Variants in LHFPL4 observed in about 807,000 individuals in gnomAD.
LHFPL4 encodes LHFPL tetraspan subfamily member 4.
A neutral mutation model predicts 20.0 loss-of-function variants in LHFPL4; 6 were observed. That is an observed-to-expected ratio of 0.30 (90% CI 0.16 to 0.59). The LOEUF (loss-of-function observed/expected upper bound fraction) is 0.59, where lower values mean the gene tolerates loss of function less well. Ranked by LOEUF, LHFPL4 falls within the 20% of genes least tolerant of loss-of-function variation. LHFPL4 has a pLI of 0.88. For missense variants in LHFPL4, 215 were observed against 331.2 expected (o/e 0.65, Z 2.72); for synonymous variants, 129 against 143.8 (o/e 0.90, Z 0.74).
Position 9,502,219 on chromosome 3 carries a change from C to T in LHFPL4, c.736G>A (p.Gly246Arg). ...GCTGTGATCCTGGCCTTTCAGGGTC[C>T]CTGTGAGTGAGCCACGGGGCAGGGA... Reference protein sequence around the residue: ...VLPCPVAHSQGP With the variant: ...VLPCPVAHSQRP Residue 246 changes from glycine to arginine, a missense_variant, in exon 4 of 4, where the codon GGA becomes AGA. By Grantham distance (125) the Gly-to-Arg change is moderately radical. Transcript: ENST00000287585. The T allele has an allele frequency of 6.2e-7, 1 of 1,613,622 alleles. No homozygotes were observed. Among genetic ancestry groups the T allele is most frequent in the Non-Finnish European group, 8.5e-7 (1 of 1,179,644 alleles).
chr3:9,519,600 A>G (rs1437566397), intron 2 of LHFPL4, among the ~76,000 whole-genome samples: 1 of 151,966 alleles, frequency 6.6e-6, no homozygotes, highest in Non-Finnish European at 1.5e-5. Flanking sequence ...TACTTCATCA[A>G]CAGGTTGTAG....
At chr3:9,520,088 A>C (rs1380790818) in intron 2 of LHFPL4, among the ~76,000 whole-genome samples, 1 of 152,154 alleles carries the variant, frequency 6.6e-6, no homozygotes, top group Non-Finnish European at 1.5e-5. Flanking sequence ...ATTCTATGCT[A>C]TAAATTTCCC....
chr3:9,540,992 T>G (rs573262632), intron 2 of LHFPL4, among the ~76,000 whole-genome samples: 38 of 151,910 alleles, frequency 2.5e-4, no homozygotes, highest in Admixed American at 1.8e-3. Flanking sequence ...CAGGCTGGAG[T>G]GCAATGGCAT....
At chr3:9,538,167 C>T (rs2046454684) in intron 2 of LHFPL4, among the ~76,000 whole-genome samples, 1 of 152,194 alleles carries the variant, frequency 6.6e-6, no homozygotes, top group East Asian at 1.9e-4. Context: ...TGGCATCTCT[C>T]ACCTGGATCG....
intron 2 of LHFPL4, among the ~76,000 whole-genome samples, chr3:9,520,652 G>C (rs1363034198): frequency 6.6e-6 from 1 of 152,034 alleles, no homozygotes; most frequent in East Asian, 1.9e-4. Context: ...CCTCTATCTT[G>C]AGATTTTTTA....
At chr3:9,530,869 G>A (rs1485720961) in intron 2 of LHFPL4, among the ~76,000 whole-genome samples, 1 of 152,072 alleles carries the variant, frequency 6.6e-6, no homozygotes, top group Non-Finnish European at 1.5e-5. Context: ...AAAGTGCTGG[G>A]ATAACAAGCG....
chr3:9,535,579 C>T (rs1002967176), intron 2 of LHFPL4, among the ~76,000 whole-genome samples: 1 of 141,550 alleles, frequency 7.1e-6, no homozygotes, highest in African/African-American at 2.5e-5. Context: ...TTTTAAAAAG[C>T]AATAAAACTC....
At chr3:9,503,111 A>C (rs1302163501) in intron 3 of LHFPL4, among the ~76,000 whole-genome samples, 3 of 152,080 alleles carry the variant, frequency 2.0e-5, no homozygotes, top group Non-Finnish European at 2.9e-5. Context: ...CTGGGACCAC[A>C]GGTGCGCGCC....
intron 2 of LHFPL4, among the ~76,000 whole-genome samples, chr3:9,547,811 GTTTTC>G (rs71692406): frequency 7.8e-4 from 86 of 110,100 alleles, no homozygotes; most frequent in East Asian, 1.6e-3. Flanking sequence ...GTTTTGTTTT[GTTTTC>G]TTTTATTGAG....
chr3:9,512,937 G>A (rs192354582), intron 2 of LHFPL4, among the ~76,000 whole-genome samples: 25 of 151,758 alleles, frequency 1.6e-4, no homozygotes, highest in Admixed American at 1.4e-3. Context: ...CCTCACTCTA[G>A]GACATTTTTT....
intron 2 of LHFPL4, among the ~76,000 whole-genome samples, chr3:9,517,833 TG>T (rs1553647026): frequency 7.3e-6 from 1 of 136,248 alleles, no homozygotes; most frequent in Non-Finnish European, 1.6e-5. Context: ...CTTGATTCTC[TG>T]GGATTTTCTA....
At chr3:9,541,039 A>T (rs1380748364) in intron 2 of LHFPL4, among the ~76,000 whole-genome samples, 18 of 151,990 alleles carry the variant, frequency 1.2e-4, no homozygotes, top group Non-Finnish European at 1.3e-4. Flanking sequence ...TCCTGGGTTC[A>T]AGCGATTCTC....
intron 2 of LHFPL4, among the ~76,000 whole-genome samples, chr3:9,508,349 C>G (rs1353266631): frequency 3.3e-5 from 5 of 152,200 alleles, no homozygotes; most frequent in African/African-American, 1.2e-4. Flanking sequence ...CTCCTCCCCC[C>G]ACCAATGCTC....
Position 9,535,556 on chromosome 3 carries a change from GAAC to G in LHFPL4, c.406+16715_406+16717del, listed in dbSNP as rs906929053. On this transcript the variant is annotated intron_variant, in intron 2 of 3. Transcript: ENST00000287585. ...ATATATTCTCCAATTTTTCCACAAA[GAAC>G]AATGATAATTTTTAAAAAGCAATAA... Among the ~76,000 whole-genome samples, 101 of 142,130 alleles carry G rather than the reference GAAC, an allele frequency of 7.1e-4. 2 individuals carry two copies. Among genetic ancestry groups the G allele is most frequent in the African/African-American group, 2.4e-3 (95 of 40,198 alleles). The allele number at this position is 142,130 out of a possible 152,430, so 93.2% of individuals were successfully genotyped here. A position where few individuals can be genotyped will look rare whatever the true frequency, so the allele number is the denominator to read the frequency against.
intron 2 of LHFPL4, among the ~76,000 whole-genome samples, chr3:9,524,642 C>T (rs2046361890): frequency 6.6e-6 from 1 of 152,130 alleles, no homozygotes; most frequent in African/African-American, 2.4e-5. Flanking sequence ...CGTTGCCCAT[C>T]TGTTCTTGCA....
Position 9,552,417 on chromosome 3 carries a change from G to C in LHFPL4, c.263C>G (p.Pro88Arg), listed in dbSNP as rs1328183029. 1.2e-6 allele frequency: 2 copies of C among 1,613,720 alleles called. No homozygotes were observed. The highest frequency in any genetic ancestry group is 1.7e-6 in the Non-Finnish European group (2 of 1,179,992). ...RGSFTDFSTI[P>R]SSAFKAAAFF... ...GGCGGCCGCCTTGAAGGCGCTGGAC[G>C]GGATGGTGCTGAAGTCGGTGAAGGA... Residue 88 changes from proline (P) to arginine (R), a missense_variant, in exon 2 of 4, where the codon CCG (proline) becomes CGG (arginine). Physicochemically the swap from Pro to Arg is moderately radical, Grantham distance 103. Transcript: ENST00000287585.
chr3:9,509,937 C>T (rs765694720), intron 2 of LHFPL4, among the ~76,000 whole-genome samples: 20 of 152,168 alleles, frequency 1.3e-4, no homozygotes, highest in Admixed American at 9.2e-4. Flanking sequence ...GCTCCAAGCT[C>T]GAGTCTCTTT....
chr3:9,516,219 C>G (rs1197286696), intron 2 of LHFPL4, among the ~76,000 whole-genome samples: 3 of 152,072 alleles, frequency 2.0e-5, no homozygotes. Context: ...ATGAGTTTCA[C>G]AGGTTTCACA....
intron 3 of LHFPL4, 87 bp downstream of exon 3, chr3:9,505,880 C>T: frequency 7.9e-7 from 1 of 1,269,482 alleles, no homozygotes; most frequent in South Asian, 1.3e-5. Context: ...TTCATGCAAC[C>T]CTCTTACTCC....
Sources: gnomAD v4.1 joint callset for allele counts (sites outside exome capture counted in the v4.1 genomes callset) on GRCh38, gnomAD v4.1.1 for gene constraint, MANE v1.5 for transcripts, NCBI Gene and HGNC (gene_info 2026-07-23, HGNC 2026-07-21) for gene names.